PRSS36: variants seen among roughly 807,000 people sequenced by gnomAD.
The protein encoded by PRSS36 is polyserase-2.
PRSS36 carries 90 observed loss-of-function variants against 94.3 expected under a neutral mutation model. The ratio of observed to expected loss-of-function variants is 0.95; its 90% confidence interval spans 0.80 to 1.14. The LOEUF (loss-of-function observed/expected upper bound fraction) is 1.14, where lower values mean the gene tolerates loss of function less well. Among genes scored for constraint, PRSS36 ranks in the 50% most tolerant of loss-of-function variants. The probability of loss-of-function intolerance (pLI) is 0.00; values close to 1 mark genes in which losing one functional copy is unlikely to be tolerated. For synonymous variants in PRSS36, 500 were observed against 489.6 expected (o/e 1.02, Z -0.28); for missense variants, 1,158 against 1,135.0 (o/e 1.02, Z -0.29).
At chr16:31,145,165 C>T (rs908378961) in intron 6 of PRSS36, among the ~76,000 whole-genome samples, 110 of 151,598 alleles carry the variant, frequency 7.3e-4, no homozygotes, top group African/African-American at 2.4e-3. Context: ...GTCAGGAGAT[C>T]GAGACAATCC....
chr16:31,148,408 G>A lies in PRSS36; in HGVS notation c.540C>T (p.Asp180=). The A allele has an allele frequency of 1.3e-6, 2 of 1,568,410 alleles. No homozygotes were observed. Among genetic ancestry groups the A allele is most frequent in the Non-Finnish European group, 1.7e-6 (2 of 1,166,212 alleles). ...GTACWATGWG[D]VQEADPLPLP... is the part of the protein sequence containing the mutation. ...CGTCCCACTCACCTGCCTCCTGGAC[G>A]TCTCCCCAGCCGGTGGCCCAGCAGG... Residue 180 remains aspartate, a synonymous_variant, in exon 5 of 15, where the codon GAC becomes GAT. Transcript: ENST00000268281.
In PRSS36 at chr16:31,139,124, G is replaced by T; in HGVS notation, c.*14C>A. The T allele has an allele frequency of 6.5e-7, 1 of 1,531,426 alleles. No individual in the cohort carries two copies. Among genetic ancestry groups the T allele is most frequent in the South Asian group, 1.3e-5 (1 of 78,428 alleles). 94.9% of individuals were successfully genotyped at this position (1,531,426 alleles called of 1,614,324 possible). A position where few individuals can be genotyped will look rare whatever the true frequency, so the allele number is the denominator to read the frequency against. ...GGGTGGAGAAGGGGGAAGTGGTGCT[G>T]GGACCCTAGCCCCTCAGCTCTGGAT... On this transcript the variant is annotated 3_prime_UTR_variant, in exon 15 of 15. Coordinates refer to ENST00000268281, the MANE Select transcript of PRSS36 (RefSeq NM_173502.5).
At position 31,143,476 on chromosome 16, in the gene PRSS36, G is replaced by C. The variant is rs1471030050; in HGVS notation, c.971-5C>G. 6.2e-7 allele frequency: 1 copy of C among 1,606,292 alleles called. No individual in the cohort carries two copies. The highest frequency in any genetic ancestry group is 1.7e-5 in the Admixed American group (1 of 58,954). ...GCCGCGGGGCCTTCCCGCACTCTGA[G>C]GGGTGAGAGGCCTGGGTCAGTGGGC... On this transcript the variant is annotated splice_region_variant and splice_polypyrimidine_tract_variant and intron_variant, in intron 7 of 14. Coordinates refer to ENST00000268281, the MANE Select transcript of PRSS36 (RefSeq NM_173502.5).
At chr16:31,141,981 T>C (rs1223253179) in intron 10 of PRSS36, 21 bp from the exon 11 acceptor site, 1 of 1,606,442 alleles carries the variant, frequency 6.2e-7, no homozygotes. Context: ...AAAGTGTGTG[T>C]GTTACTTGCC....
In PRSS36 at chr16:31,143,609, TCTC is replaced by T. The variant is rs758261389; in HGVS notation, c.946_948del (p.Glu316del). 8 of 1,614,142 alleles carry T rather than the reference TCTC, an allele frequency of 5.0e-6. No homozygotes were observed. In the East Asian group the frequency reaches 8.9e-5, roughly 18 times the overall value. On this transcript the variant is annotated inframe_deletion, in exon 7 of 15. Transcript: ENST00000268281. ...TCACCAGGCAGGGCAATGGTGCAGTTCTCCTCCCTGGGCTCCTGGGGATCTGAC... is the reference window on the plus strand; with the variant it reads ...TCACCAGGCAGGGCAATGGTGCAGTTCTCCCTGGGCTCCTGGGGATCTGAC...
At chr16:31,144,072 A>G (rs2057760830) in intron 6 of PRSS36, among the ~76,000 whole-genome samples, 1 of 152,218 alleles carries the variant, frequency 6.6e-6, no homozygotes, top group African/African-American at 2.4e-5. Context: ...GCCACACAAG[A>G]TAATCCTGCA....
Position 31,142,640 on chromosome 16 carries a change from G to T in PRSS36, c.1362C>A (p.Pro454=). 6.8e-7 allele frequency: 1 copy of T among 1,475,718 alleles called. No individual in the cohort carries two copies. Among genetic ancestry groups the T allele is most frequent in the Non-Finnish European group, 9.0e-7 (1 of 1,116,186 alleles). The allele number at this position is 1,475,718 out of a possible 1,614,324, so 91.4% of individuals were successfully genotyped here. A position where few individuals can be genotyped will look rare whatever the true frequency, so the allele number is the denominator to read the frequency against. ...CCAGCAGCGCGCCTGGGCCAAGCGC[G>T]GGTTCTGGAAGGGAAAAGGCAGGGA... The part of the protein sequence containing the change: ...CRLARWGRGE[P]ALGPGALLEA... The change falls in exon 10 of 15, where the codon CCC becomes CCA. Residue 454 remains proline (P), a synonymous_variant. Coordinates refer to ENST00000268281, the MANE Select transcript of PRSS36 (RefSeq NM_173502.5).
intron 14 of PRSS36, 57 bp from the exon 15 acceptor site, chr16:31,139,473 C>T (rs1033884029): frequency 3.8e-6 from 6 of 1,569,846 alleles, no homozygotes; most frequent in African/African-American, 1.4e-5. Context: ...GGTCCCCTCC[C>T]CCTTTCCCCA....
At chr16:31,141,648 T>C in intron 11 of PRSS36, 38 bp from the exon 12 acceptor site, 1 of 1,610,078 alleles carries the variant, frequency 6.2e-7, no homozygotes, top group Non-Finnish European at 8.5e-7. Flanking sequence ...TGGGGCCCCA[T>C]GGCTGACCCC....
Position 31,143,070 on chromosome 16 carries a change from G to A in PRSS36, c.1101-77C>T, listed in dbSNP as rs1419413240. ...AAACCTCACACCCCGGCTTAGACTT[G>A]CCAGGCGAGGATCCTGCATCCTGGC... On this transcript the variant is annotated intron_variant, in intron 8 of 14. Coordinates refer to ENST00000268281, the MANE Select transcript of PRSS36 (RefSeq NM_173502.5). 2.9e-6 allele frequency: 4 copies of A among 1,381,858 alleles called. No homozygotes were observed. The East Asian group carries it at 1.1e-4, about 39-fold the overall frequency. The allele number at this position is 1,381,858 out of a possible 1,614,324, so 85.6% of individuals were successfully genotyped here.
Position 31,145,870 on chromosome 16 carries a change from G to A in PRSS36, c.639C>T (p.Pro213=), listed in dbSNP as rs200651342. 1.3e-4 allele frequency: 214 copies of A among 1,614,140 alleles called. 2 individuals carry two copies. The highest frequency in any genetic ancestry group is 5.4e-4 in the South Asian group (49 of 91,086). Residue 213 remains proline (P), a synonymous_variant, in exon 6 of 15, where the codon CCC becomes CCT. Transcript: ENST00000268281. The stretch of plus-strand genomic sequence containing the variant: ...TCTGGAGAGTGAGGTTGAAGGGACC[G>A]GGCTGGCTGTAGAGACATTGACAGG... ...EATCQCLYSQ[P]GPFNLTLQIL...
At position 31,140,557 on chromosome 16, in the gene PRSS36, T is replaced by C. The variant is rs2057668975; in HGVS notation, c.2102A>G (p.His701Arg). The part of the protein sequence containing the change: ...PSPSALPICL[H>R]PAGIPPGASC... ...GGCCCCCGGGGGGATACCCGCCGGG[T>C]GGAGACAGATGGGCAGGGCTGATGG... Residue 701 changes from histidine to arginine, a missense_variant, in exon 13 of 15, where the codon CAC becomes CGC. Coordinates refer to ENST00000268281, the MANE Select transcript of PRSS36 (RefSeq NM_173502.5). 6.3e-7 allele frequency: 1 copy of C among 1,590,158 alleles called. No homozygotes were observed. Among genetic ancestry groups the C allele is most frequent in the Non-Finnish European group, 8.6e-7 (1 of 1,168,086 alleles).
chr16:31,143,975 T>C, intron 6 of PRSS36, 138 bp from the exon 7 acceptor site: 1 of 1,071,050 alleles, frequency 9.3e-7, no homozygotes, highest in Non-Finnish European at 1.3e-6. Flanking sequence ...GTCCTCTGCA[T>C]TCCCTGCGGC....
rs570664342 is a variant in PRSS36 at position 31,143,001 on chromosome 16, A to T, written c.1101-8T>A. 1.4e-6 allele frequency: 2 copies of T among 1,381,112 alleles called. No individual in the cohort carries two copies. Among genetic ancestry groups the T allele is most frequent in the South Asian group, 3.3e-5 (2 of 61,120 alleles). 85.6% of individuals were successfully genotyped at this position (1,381,112 alleles called of 1,614,324 possible). A position where few individuals can be genotyped will look rare whatever the true frequency, so the allele number is the denominator to read the frequency against. On this transcript the variant is annotated splice_polypyrimidine_tract_variant and splice_region_variant and intron_variant, in intron 8 of 14. Coordinates refer to ENST00000268281, the MANE Select transcript of PRSS36 (RefSeq NM_173502.5). ...CTGTCGGAGCTGTTCGGGCTGCGGG[A>T]TGGGGGCCGAGGGACGTGGGCCGGA...
chr16:31,143,753 G>C lies in PRSS36; in HGVS notation c.805C>G (p.Arg269Gly). 1.2e-6 allele frequency: 2 copies of C among 1,614,116 alleles called. No individual in the cohort carries two copies. The highest frequency in any genetic ancestry group is 1.7e-6 in the Non-Finnish European group (2 of 1,180,028). The change falls in exon 7 of 15, where the codon CGG (arginine) becomes GGG (glycine). Residue 269 changes from arginine (R) to glycine (G), a missense_variant. By Grantham distance (125) the Arg-to-Gly change is moderately radical. Coordinates refer to ENST00000268281, the MANE Select transcript of PRSS36 (RefSeq NM_173502.5). ...GITSFGFGCG[R>G]RNRPGVFTAV... ...GTGAAAACTCCAGGGCGGTTTCTCCGTCCACAGCCAAAGCCAAAGCTGGTG... is the reference window on the plus strand; with the variant it reads ...GTGAAAACTCCAGGGCGGTTTCTCCCTCCACAGCCAAAGCCAAAGCTGGTG...
intron 6 of PRSS36, among the ~76,000 whole-genome samples, chr16:31,144,146 C>T (rs2057761966): frequency 6.6e-6 from 1 of 151,464 alleles, no homozygotes; most frequent in African/African-American, 2.4e-5. Context: ...CCCTCCCTTC[C>T]TTCCTTCTTT....
At position 31,148,594 on chromosome 16, in the gene PRSS36, G is replaced by A. The variant is rs1412116919; in HGVS notation, c.354C>T (p.His118=). The change falls in exon 5 of 15, where the codon CAC becomes CAT. Residue 118 remains histidine (H), a synonymous_variant. Transcript: ENST00000268281. ...CCACGATGGCGGCCACTGCGCGGGT[G>A]TGCGCGCCGTCCAGGGGCCCGTCCT... ...HSQDGPLDGA[H]TRAVAAIVVP... 2 of 1,611,114 alleles carry A rather than the reference G, an allele frequency of 1.2e-6. No homozygotes were observed. The highest frequency in any genetic ancestry group is 2.2e-5 in the East Asian group (1 of 44,834).
intron 1 of PRSS36, 84 bp from the exon 2 acceptor site, chr16:31,149,815 G>A: frequency 6.3e-7 from 1 of 1,596,438 alleles, no homozygotes; most frequent in South Asian, 1.1e-5. Context: ...CAGCCTCCTA[G>A]CCTCCGTCTC....
intron 5 of PRSS36, among the ~76,000 whole-genome samples, chr16:31,147,278 G>C (rs928402573): frequency 6.6e-6 from 1 of 152,104 alleles, no homozygotes; most frequent in African/African-American, 2.4e-5. Context: ...TTCCTGCAAT[G>C]TACCCTCTCT....
Sources: allele counts gnomAD v4.1 joint callset (sites outside exome capture counted in the v4.1 genomes callset), GRCh38; gene constraint gnomAD v4.1.1; transcripts MANE v1.5; gene names NCBI Gene and HGNC (gene_info 2026-07-23, HGNC 2026-07-21).